Variants in TCF4 observed in about 807,000 individuals in gnomAD.
TCF4 encodes the protein SL3-3 enhancer factor 2.
A neutral mutation model predicts 82.1 loss-of-function variants in TCF4; 3 were observed. The observed-to-expected ratio is 0.04, with a 90% CI of 0.02 to 0.09. The LOEUF is 0.09. Ranked by LOEUF, TCF4 falls within the 10% of genes least tolerant of loss-of-function variation. The probability of loss-of-function intolerance (pLI) is 1.00; values close to 1 mark genes in which losing one functional copy is unlikely to be tolerated. For missense variants in TCF4, 518 were observed against 852.7 expected (o/e 0.61, Z 4.89); for synonymous variants, 276 against 309.6 (o/e 0.89, Z 1.14).
intron 5 of TCF4, among the ~76,000 whole-genome samples, chr18:55,447,889 T>C (rs1372349786): frequency 6.6e-6 from 1 of 151,876 alleles, no homozygotes; most frequent in Non-Finnish European, 1.5e-5. Flanking sequence ...TTGGGATCTA[T>C]GTTTCATCTT....
chr18:55,588,623 C>T, upstream of TCF4: 1 of 1,459,402 alleles, frequency 6.9e-7, no homozygotes, highest in South Asian at 1.4e-5. Flanking sequence ...CTCACACATC[C>T]ACACACGGCA....
chr18:55,243,948 C>G (rs2052192753), intron 15 of TCF4, among the ~76,000 whole-genome samples: 1 of 152,130 alleles, frequency 6.6e-6, no homozygotes, highest in African/African-American at 2.4e-5. Flanking sequence ...CATAACATTG[C>G]TCAATGCTAG....
At position 55,530,118 on chromosome 18, in the gene TCF4, T is replaced by C. The variant is rs867243989; in HGVS notation, c.145+55162A>G. 2.0e-5 allele frequency among the ~76,000 whole-genome samples: 3 copies of C among 152,202 alleles called. No individual in the cohort carries two copies. In the South Asian group the frequency reaches 6.2e-4, roughly 32 times the overall value. On this transcript the variant is annotated intron_variant, in intron 3 of 19. Transcript: ENST00000354452. ...CCAGTAAGAGGCAAAAACTTTGTCA[T>C]GAAGACATTAAATAACTTTGCATCC...
intron 3 of TCF4, among the ~76,000 whole-genome samples, chr18:55,483,932 T>C (rs962603411): frequency 2.6e-5 from 4 of 152,254 alleles, no homozygotes; most frequent in Non-Finnish European, 5.9e-5. Flanking sequence ...TAGAGCAGTT[T>C]ACTGCTTTCA....
Position 55,246,268 on chromosome 18 carries a change from T to TTA in TCF4, c.1350+8227_1350+8228dup, listed in dbSNP as rs561320327. Reference sequence around the variant, plus strand: ...GTGTGTGTGTGTGTGTGTGTATCTTTTATATTTTAAAACTGGGAAAGACAA... The same window carrying TTA: ...GTGTGTGTGTGTGTGTGTGTATCTTTTATATATTTTAAAACTGGGAAAGACAA... On this transcript the variant is annotated intron_variant, in intron 15 of 19. Transcript: ENST00000354452. Among the ~76,000 whole-genome samples the TTA allele has an allele frequency of 3.7e-4, 57 of 152,142 alleles. No homozygotes were observed. In the East Asian group the frequency reaches 5.6e-3, roughly 15 times the overall value.
intron 5 of TCF4, among the ~76,000 whole-genome samples, chr18:55,458,086 T>C (rs2095801535): frequency 6.6e-6 from 1 of 151,864 alleles, no homozygotes; most frequent in African/African-American, 2.4e-5. Context: ...AAAAATCAGG[T>C]CATCTGCAGT....
Position 55,402,620 on chromosome 18 carries a change from G to T in TCF4, c.369+834C>A, listed in dbSNP as rs957604656. Among the ~76,000 whole-genome samples, 10 of 150,126 alleles carry T rather than the reference G, an allele frequency of 6.7e-5. 1 individual carries two copies. Among genetic ancestry groups the T allele is most frequent in the Non-Finnish European group, 1.3e-4 (9 of 67,960 alleles). ...TAAGAAACCAATGCACTTATAAAAAGGAAGTATAAATTTTTAAAAAAGATT... is the reference window on the plus strand; with the variant it reads ...TAAGAAACCAATGCACTTATAAAAATGAAGTATAAATTTTTAAAAAAGATT... On this transcript the variant is annotated intron_variant, in intron 6 of 19. Coordinates refer to ENST00000354452, the MANE Select transcript of TCF4 (RefSeq NM_001083962.2).
intron 6 of TCF4, among the ~76,000 whole-genome samples, chr18:55,388,890 G>A (rs1396270046): frequency 2.0e-5 from 3 of 152,076 alleles, no homozygotes; most frequent in East Asian, 1.9e-4. Flanking sequence ...TTGGGAGGCC[G>A]AGGCGGGTGG....
intron 8 of TCF4, among the ~76,000 whole-genome samples, chr18:55,309,936 CA>C (rs896768552): frequency 2.0e-5 from 3 of 152,078 alleles, no homozygotes; most frequent in African/African-American, 7.2e-5. Flanking sequence ...CTTCCAGAAA[CA>C]GAAATATTCA....
chr18:55,229,169 C>T, intron 17 of TCF4, 93 bp from the exon 18 acceptor site: 1 of 1,434,734 alleles, frequency 7.0e-7, no homozygotes, highest in Non-Finnish European at 9.7e-7. Flanking sequence ...TTTCAGGGAA[C>T]TTTTCCATCT....
intron 3 of TCF4, among the ~76,000 whole-genome samples, chr18:55,534,063 TTA>T (rs2097094012): frequency 6.6e-6 from 1 of 152,234 alleles, no homozygotes; most frequent in Non-Finnish European, 1.5e-5. Flanking sequence ...GAAATGTATT[TTA>T]TGTTTCATAT....
chr18:55,384,576 C>T (rs1233869405), intron 6 of TCF4, among the ~76,000 whole-genome samples: 1 of 152,174 alleles, frequency 6.6e-6, no homozygotes, highest in Non-Finnish European at 1.5e-5. Context: ...GATACACTAA[C>T]CTATTCAGAG....
At chr18:55,316,244 T>G (rs1397367412) in intron 8 of TCF4, among the ~76,000 whole-genome samples, 1 of 152,110 alleles carries the variant, frequency 6.6e-6, no homozygotes, top group Admixed American at 6.6e-5. Context: ...CCACTGTATT[T>G]TCTTCTTAAG....
At chr18:55,439,805 C>A (rs953365792) in intron 5 of TCF4, among the ~76,000 whole-genome samples, 1 of 152,224 alleles carries the variant, frequency 6.6e-6, no homozygotes, top group African/African-American at 2.4e-5. Flanking sequence ...TCACTGCAAC[C>A]GCCGCCTCCT....
At chr18:55,605,382 G>A (rs1450948743) in intron 2 of TCF4, among the ~76,000 whole-genome samples, 3 of 152,212 alleles carry the variant, frequency 2.0e-5, no homozygotes, top group South Asian at 4.1e-4. Flanking sequence ...AATTCCATCC[G>A]ATGGTGTGAG....
At chr18:55,533,272 C>A (rs981623796) in intron 3 of TCF4, among the ~76,000 whole-genome samples, 8 of 152,182 alleles carry the variant, frequency 5.3e-5, no homozygotes, top group Admixed American at 2.6e-4. Flanking sequence ...TACAGGCAGG[C>A]TCAGGTAAAG....
At chr18:55,578,883 C>T (rs2097551625) in intron 3 of TCF4, among the ~76,000 whole-genome samples, 1 of 151,934 alleles carries the variant, frequency 6.6e-6, no homozygotes, top group African/African-American at 2.4e-5. Flanking sequence ...AGTACAAAAG[C>T]ACCCATTTGA....
intron 8 of TCF4, chr18:55,302,322 G>C: frequency 8.7e-7 from 1 of 1,147,958 alleles, no homozygotes; most frequent in Non-Finnish European, 1.2e-6. Flanking sequence ...AAAGCAAATG[G>C]GTAACATACA....
In TCF4 at chr18:55,225,577, C is replaced by T. The variant is rs2046485484; in HGVS notation, c.*2458G>A. The T allele has an allele frequency of 6.6e-6, 1 of 152,464 alleles. No homozygotes were observed. The highest frequency in any genetic ancestry group is 1.5e-5 in the Non-Finnish European group (1 of 67,970). 9.4% of individuals were successfully genotyped at this position (152,464 alleles called of 1,614,324 possible). On this transcript the variant is annotated 3_prime_UTR_variant, in exon 20 of 20. Transcript: ENST00000354452. ...GGGATACCCGCCTTGGTAGACTATA[C>T]AAAATGAGTGCAGAATGTACCACTA...
Sources: allele counts gnomAD v4.1 joint callset (sites outside exome capture counted in the v4.1 genomes callset), GRCh38; gene constraint gnomAD v4.1.1; transcripts MANE v1.5; gene names NCBI Gene and HGNC (gene_info 2026-07-23, HGNC 2026-07-21).